Variants in MAD2L2 observed in about 807,000 individuals in gnomAD.
MAD2L2 encodes mitotic spindle assembly checkpoint protein MAD2B.
MAD2L2 carries 17 observed loss-of-function variants against 30.5 expected under a neutral mutation model. The observed-to-expected ratio is 0.56, with a 90% CI of 0.38 to 0.84. MAD2L2 has a LOEUF of 0.84. Among genes scored for constraint, MAD2L2 ranks in the 40% least tolerant of loss-of-function variants. MAD2L2 has a pLI of 0.00. For missense variants in MAD2L2, 213 were observed against 277.4 expected (o/e 0.77, Z 1.65); for synonymous variants, 101 against 113.9 (o/e 0.89, Z 0.72).
rs1233410808 is a variant in MAD2L2 at position 11,687,668 on chromosome 1, G to A, written c.-692+3745C>T. On this transcript the variant is annotated intron_variant, in intron 1 of 10. Transcript: ENST00000235310. The surrounding 1 kb of genome is among the most constrained non-coding windows in gnomAD (Gnocchi z 4.1). ...TAGGATTACAGGCATGAGCCACTGC[G>A]CCTGACCTGGACTTGCCAATACGGA... is the stretch of plus-strand genomic sequence containing the variant. 6.6e-6 allele frequency among the ~76,000 whole-genome samples: 1 copy of A among 152,214 alleles called. No individual in the cohort carries two copies. The highest frequency in any genetic ancestry group is 1.9e-4 in the East Asian group (1 of 5,206).
In MAD2L2 at chr1:11,676,964, C is replaced by T; in HGVS notation, c.232-16G>A. On this transcript the variant is annotated splice_polypyrimidine_tract_variant and intron_variant, in intron 4 of 8. Coordinates refer to ENST00000376692, the MANE Select transcript of MAD2L2 (RefSeq NM_006341.4). ...CCACATCATTCTGCAAAGAGAGGAA[C>T]CCCCACTGCAGAGCCAGGCACCCCA... 6.3e-7 allele frequency: 1 copy of T among 1,596,754 alleles called. No individual in the cohort carries two copies. Among genetic ancestry groups the T allele is most frequent in the South Asian group, 1.1e-5 (1 of 90,728 alleles).
rs1223545150 is a variant in MAD2L2, at chr1:11,690,720, G to A, written c.-692+693C>T. On this transcript the variant is annotated intron_variant, in intron 1 of 10. Transcript: ENST00000235310. This position sits in a 1 kb window ranked among gnomAD's most constrained non-coding sequence, Gnocchi z 4.2. Reference sequence around the variant, plus strand: ...GCCCCATCGCTCTTTGATCTTTGCAGCGTCCGTGGCCCCACCGACCCCGTC... The same window carrying A: ...GCCCCATCGCTCTTTGATCTTTGCAACGTCCGTGGCCCCACCGACCCCGTC... Among the ~76,000 whole-genome samples, 1 of 152,130 alleles carries A rather than the reference G, an allele frequency of 6.6e-6. No homozygotes were observed. The highest frequency in any genetic ancestry group is 2.4e-5 in the African/African-American group (1 of 41,436).
chr1:11,675,954 C>T (rs762740385), intron 6 of MAD2L2, 92 bp downstream of exon 6: 2 of 1,126,552 alleles, frequency 1.8e-6, no homozygotes, highest in Non-Finnish European at 2.7e-6. Flanking sequence ...AGAGATGAGT[C>T]TCAGAACAGC....
chr1:11,677,478 T>C, intron 4 of MAD2L2, 65 bp downstream of exon 4: 1 of 1,470,800 alleles, frequency 6.8e-7, no homozygotes, highest in African/African-American at 1.4e-5. Flanking sequence ...AGAGTTGGAC[T>C]GTGAGCACAC....
chr1:11,680,404 G>C lies in MAD2L2; in HGVS notation c.108C>G (p.Val36=). The change falls in exon 3 of 9, where the codon GTC becomes GTG. Residue 36 remains valine (V), a synonymous_variant. Coordinates refer to ENST00000376692, the MANE Select transcript of MAD2L2 (RefSeq NM_006341.4). ...AVHLILYVRE[V]YPVGIFQKRK... is the part of the protein sequence containing the mutation. Reference sequence around the variant, plus strand: ...GTTTCTGGAAGATGCCCACGGGGTAGACCTCGCGCACGTAGAGGATGAGAT... The same window carrying C: ...GTTTCTGGAAGATGCCCACGGGGTACACCTCGCGCACGTAGAGGATGAGAT... The C allele has an allele frequency of 3.7e-6, 6 of 1,614,028 alleles. No homozygotes were observed. Among genetic ancestry groups the C allele is most frequent in the Non-Finnish European group, 5.1e-6 (6 of 1,179,988 alleles).
In MAD2L2 at chr1:11,687,272, C is replaced by G. The variant is rs1301904741; in HGVS notation, c.-692+4141G>C. Among the ~76,000 whole-genome samples, 1 of 152,140 alleles carries G rather than the reference C, an allele frequency of 6.6e-6. No homozygotes were observed. Among genetic ancestry groups the G allele is most frequent in the African/African-American group, 2.4e-5 (1 of 41,424 alleles). On this transcript the variant is annotated intron_variant, in intron 1 of 10. Transcript: ENST00000235310. This position sits in a 1 kb window ranked among gnomAD's most constrained non-coding sequence, Gnocchi z 4.1. ...ATTTCTTTTTTGAGACGGAGTCTCT[C>G]TCTGCCACCCAGGCTGGAGGGCGGT... is the stretch of plus-strand genomic sequence containing the variant.
At position 11,688,992 on chromosome 1, in the gene MAD2L2, T is replaced by C. The variant is rs6657612; in HGVS notation, c.-692+2421A>G. Among the ~76,000 whole-genome samples the C allele has an allele frequency of 0.22, 33,318 of 151,912 alleles. 6,939 individuals are homozygous for C. The highest frequency in any genetic ancestry group is 0.55 in the African/African-American group (22,958 of 41,416). ...GGCAACATCAGGACGTTACCCTATA[T>C]GGTCTAAAAAGGGGAAGCAAAGGCC... On this transcript the variant is annotated intron_variant, in intron 1 of 10. Transcript: ENST00000235310. The surrounding 1 kb of genome is among the most constrained non-coding windows in gnomAD (Gnocchi z 4.6).
chr1:11,684,998 G>A (rs1426107406), upstream of MAD2L2, among the ~76,000 whole-genome samples: 1 of 151,090 alleles, frequency 6.6e-6, no homozygotes, highest in Non-Finnish European at 1.5e-5. Flanking sequence ...GGCAATCATA[G>A]CTCACTGCAG....
At chr1:11,689,317 G>C (rs113849961) in intron 1 of MAD2L2, among the ~76,000 whole-genome samples, 3,392 of 127,732 alleles carry the variant, frequency 0.027, 153 homozygotes, top group African/African-American at 0.093. Flanking sequence ...AAAAAAAAAG[G>C]CTGGGTGCTG....
At chr1:11,684,123 G>C (rs958431742), upstream of MAD2L2, among the ~76,000 whole-genome samples, 53 of 152,140 alleles carry the variant, frequency 3.5e-4, 1 homozygote, top group African/African-American at 1.3e-3. Context: ...GAAATGAACA[G>C]GCCAGATAGA....
Position 11,680,421 on chromosome 1 carries a change from G to A in MAD2L2, c.91C>T (p.Leu31Phe), listed in dbSNP as rs751185414. ...EFLEVAVHLI[L>F]YVREVYPVGI... ...ACGGGGTAGACCTCGCGCACGTAGA[G>A]GATGAGATGCACAGCCACCTCCAGG... The change falls in exon 3 of 9, where the codon CTC (leucine) becomes TTC (phenylalanine). Residue 31 changes from leucine (L) to phenylalanine (F), a missense_variant. Leu to Phe is a conservative substitution (Grantham distance 22). Coordinates refer to ENST00000376692, the MANE Select transcript of MAD2L2 (RefSeq NM_006341.4). 1 of 1,614,018 alleles carries A rather than the reference G, an allele frequency of 6.2e-7. No homozygotes were observed.
chr1:11,678,951 G>C (rs1483163873), intron 3 of MAD2L2, among the ~76,000 whole-genome samples: 2 of 152,274 alleles, frequency 1.3e-5, no homozygotes, highest in South Asian at 4.1e-4. Flanking sequence ...ATCACCAGAG[G>C]TCAGGAGATC....
At chr1:11,679,985 GTTTTTTTTTTTTTTT>G (rs70983583) in intron 3 of MAD2L2, among the ~76,000 whole-genome samples, 6 of 87,566 alleles carry the variant, frequency 6.9e-5, no homozygotes, top group Admixed American at 1.3e-4. Flanking sequence ...AGTGGAAGAG[GTTTTTTTTTTTTTTT>G]TTTTTTTTTT....
intron 3 of MAD2L2, among the ~76,000 whole-genome samples, chr1:11,679,671 C>T (rs529768008): frequency 1.3e-5 from 2 of 152,010 alleles, no homozygotes; most frequent in South Asian, 2.1e-4. Flanking sequence ...GGATTACAGG[C>T]GCGTACCACC....
rs748429901 is a variant in MAD2L2, at chr1:11,676,789, G to A, written c.332+59C>T. The A allele has an allele frequency of 7.4e-6, 10 of 1,349,006 alleles. No homozygotes were observed. The South Asian group carries it at 1.2e-4, about 16-fold the overall frequency. 83.6% of individuals were successfully genotyped at this position (1,349,006 alleles called of 1,614,324 possible). ...TTCAAGGGCCGCCTTAAAGGGGTGG[G>A]TGTGTTGCCAGAGACACACCTGATG... On this transcript the variant is annotated intron_variant, in intron 5 of 8. Transcript: ENST00000376692.
chr1:11,675,565 G>T (rs1276578196), intron 7 of MAD2L2, 93 bp downstream of exon 7: 40 of 1,230,730 alleles, frequency 3.3e-5, no homozygotes, highest in Non-Finnish European at 4.3e-5. Context: ...CAATGTAATG[G>T]GTGGCTGGCC....
At chr1:11,678,823 T>C (rs2100710151) in intron 3 of MAD2L2, among the ~76,000 whole-genome samples, 1 of 152,314 alleles carries the variant, frequency 6.6e-6, no homozygotes, top group South Asian at 2.1e-4. Flanking sequence ...CAGGCCTACC[T>C]AAACACACTC....
Position 11,680,451 on chromosome 1 carries a change from C to A in MAD2L2, c.61G>T (p.Glu21Ter), listed in dbSNP as rs1339860312. 6.2e-7 allele frequency: 1 copy of A among 1,613,904 alleles called. No homozygotes were observed. Among genetic ancestry groups the A allele is most frequent in the African/African-American group, 1.3e-5 (1 of 75,036 alleles). ...FGQVVADVLC[E>*]FLEVAVHLIL... ...AGATGCACAGCCACCTCCAGGAACTCGCAGAGCACATCGGCCACCACTGCA... is the reference window on the plus strand; with the variant it reads ...AGATGCACAGCCACCTCCAGGAACTAGCAGAGCACATCGGCCACCACTGCA... Residue 21 changes from glutamate to a stop codon, truncating the protein, a stop_gained, in exon 3 of 9, where the codon GAG becomes TAG. Coordinates refer to ENST00000376692, the MANE Select transcript of MAD2L2 (RefSeq NM_006341.4). LOFTEE classifies it high-confidence loss of function.
chr1:11,676,653 A>G (rs9430603), intron 5 of MAD2L2, among the ~76,000 whole-genome samples, 195 bp downstream of exon 5: 7,648 of 152,238 alleles, frequency 0.05, 629 homozygotes, highest in African/African-American at 0.17. Context: ...CACCCAGGTG[A>G]CCCTGGGTAG....
Sources: allele counts gnomAD v4.1 joint callset (sites outside exome capture counted in the v4.1 genomes callset), GRCh38; gene constraint gnomAD v4.1.1; non-coding constraint Gnocchi (gnomAD v3.1); transcripts MANE v1.5; gene names NCBI Gene and HGNC (gene_info 2026-07-23, HGNC 2026-07-21).